Variants in ATE1 observed in about 807,000 individuals in gnomAD.
ATE1 encodes arginyltransferase 1.
ATE1 carries 36 observed loss-of-function variants against 70.5 expected under a neutral mutation model. That is an observed-to-expected ratio of 0.51 (90% CI 0.39 to 0.67). The LOEUF (loss-of-function observed/expected upper bound fraction) is 0.67. Ranked by LOEUF, ATE1 falls within the 30% of genes least tolerant of loss-of-function variation. The probability of loss-of-function intolerance (pLI) is 0.00; values close to 1 mark genes in which losing one functional copy is unlikely to be tolerated. For synonymous variants in ATE1, 232 were observed against 219.3 expected (o/e 1.06, Z -0.51); for missense variants, 593 against 629.5 (o/e 0.94, Z 0.62).
At chr10:121,865,473 A>G (rs533762794) in intron 8 of ATE1, among the ~76,000 whole-genome samples, 1 of 152,332 alleles carries the variant, frequency 6.6e-6, no homozygotes, top group African/African-American at 2.4e-5. Context: ...AAATTCAAGA[A>G]TCTTTCGGGC....
intron 1 of ATE1, 91 bp downstream of exon 1, chr10:121,927,753 G>A: frequency 7.0e-7 from 1 of 1,427,592 alleles, no homozygotes; most frequent in Non-Finnish European, 9.2e-7. Flanking sequence ...GGGGCCAGGG[G>A]CTCCGGCCCC....
intron 10 of ATE1, among the ~76,000 whole-genome samples, chr10:121,810,858 A>C (rs1947292229): frequency 6.6e-6 from 1 of 151,618 alleles, no homozygotes; most frequent in Non-Finnish European, 1.5e-5. Context: ...GCATGCCAAC[A>C]TGCCCAGCTA....
chr10:121,886,054 G>A (rs1294111559), intron 7 of ATE1, among the ~76,000 whole-genome samples: 1 of 152,018 alleles, frequency 6.6e-6, no homozygotes, highest in African/African-American at 2.4e-5. Context: ...GCTCCAATGG[G>A]CATTTCCCTT....
chr10:121,820,498 T>C (rs1437200685), intron 10 of ATE1, among the ~76,000 whole-genome samples: 3 of 152,212 alleles, frequency 2.0e-5, no homozygotes, highest in Admixed American at 6.5e-5. Context: ...GTTTTAATCA[T>C]TCTCTTAACT....
At chr10:121,784,435 T>A (rs558377305) in intron 11 of ATE1, among the ~76,000 whole-genome samples, 1 of 152,372 alleles carries the variant, frequency 6.6e-6, no homozygotes, top group South Asian at 2.1e-4. Context: ...GTATTATTGT[T>A]TCTTAGTGTT....
At chr10:121,911,433 A>C (rs1422222165) in intron 4 of ATE1, among the ~76,000 whole-genome samples, 3 of 143,276 alleles carry the variant, frequency 2.1e-5, no homozygotes, top group African/African-American at 7.6e-5. Flanking sequence ...CACTATCTCT[A>C]CAGTAAATTA....
chr10:121,858,694 AT>A (rs201624969), intron 8 of ATE1, among the ~76,000 whole-genome samples: 12,345 of 74,628 alleles, frequency 0.17, 1,669 homozygotes, highest in African/African-American at 0.39. Context: ...TATATATTAT[AT>A]TTTTTTAATA....
intron 10 of ATE1, among the ~76,000 whole-genome samples, chr10:121,810,303 C>T (rs1392843130): frequency 6.6e-6 from 1 of 152,160 alleles, no homozygotes; most frequent in Non-Finnish European, 1.5e-5. Flanking sequence ...TGGAGTCTCA[C>T]TCTGTCACCC....
rs1325506738 is a variant in ATE1 at position 121,927,944 on chromosome 10, A to G, written c.6T>C (p.Ala2=). ...CGCTGGGCGAACCCCCCGCCCAGAA[A>G]GCCATGGCCTCGGCCCCGCGAACGC... The part of the protein sequence containing the change: M[A]FWAGGSPSVV... Residue 2 remains alanine, a synonymous_variant, in exon 1 of 12, where the codon GCT becomes GCC. Transcript: ENST00000224652. 1.2e-5 allele frequency: 19 copies of G among 1,559,464 alleles called. No homozygotes were observed. Among genetic ancestry groups the G allele is most frequent in the Non-Finnish European group, 1.6e-5 (19 of 1,155,650 alleles).
chr10:121,848,002 C>T (rs555093825), intron 8 of ATE1, among the ~76,000 whole-genome samples: 3 of 151,952 alleles, frequency 2.0e-5, no homozygotes, highest in African/African-American at 7.2e-5. Context: ...ACCTGGGAGG[C>T]GGAGGTTGCA....
At chr10:121,886,829 G>A (rs1476988458) in intron 7 of ATE1, among the ~76,000 whole-genome samples, 2 of 152,120 alleles carry the variant, frequency 1.3e-5, no homozygotes, top group Admixed American at 6.5e-5. Context: ...CATTAAGTGA[G>A]AACTTACTGT....
At chr10:121,893,172 G>A (rs1019008806) in intron 7 of ATE1, among the ~76,000 whole-genome samples, 3 of 151,688 alleles carry the variant, frequency 2.0e-5, no homozygotes, top group African/African-American at 2.4e-5. Flanking sequence ...AGCTACTCGG[G>A]AGGCTAAGGC....
In ATE1 at chr10:121,899,878, T is replaced by C. The variant is rs370475140; in HGVS notation, c.930A>G (p.Pro310=). ...MVIHKNPPDT[P]TESQFTRFLC... ...TTGGCCTGCTGACCTGGCTTTCGGT[T>C]GGCGTATCAGGTGGGTTCTTGTGAA... Residue 310 remains proline, a synonymous_variant, in exon 7 of 12, where the codon CCA becomes CCG. Coordinates refer to ENST00000224652, the MANE Select transcript of ATE1 (RefSeq NM_001001976.3). 3 of 1,612,250 alleles carry C rather than the reference T, an allele frequency of 1.9e-6. No homozygotes were observed. The African/African-American group carries it at 4.0e-5, about 22-fold the overall frequency.
At chr10:121,819,567 C>T (rs1947699371) in intron 10 of ATE1, among the ~76,000 whole-genome samples, 1 of 143,656 alleles carries the variant, frequency 7.0e-6, no homozygotes, top group Non-Finnish European at 1.5e-5. Context: ...ATTAGCCAGG[C>T]GTGGTGGCAG....
intron 7 of ATE1, among the ~76,000 whole-genome samples, chr10:121,878,697 TAAAA>T (rs942663729): frequency 6.6e-6 from 1 of 151,728 alleles, no homozygotes. Flanking sequence ...AAAAAGGAAA[TAAAA>T]AGAAGAAAAA....
chr10:121,857,620 A>T (rs188467664), intron 8 of ATE1, among the ~76,000 whole-genome samples: 25 of 152,332 alleles, frequency 1.6e-4, no homozygotes, highest in African/African-American at 6.0e-4. Context: ...AAGGAAAATA[A>T]ATCATTCTGT....
intron 7 of ATE1, among the ~76,000 whole-genome samples, chr10:121,875,693 C>G (rs1158935079): frequency 6.6e-6 from 1 of 152,144 alleles, no homozygotes; most frequent in Admixed American, 6.5e-5. Flanking sequence ...CTGAGACACT[C>G]TCTAAAAAAC....
intron 7 of ATE1, among the ~76,000 whole-genome samples, chr10:121,879,833 T>TC (rs1950174154): frequency 6.6e-6 from 1 of 152,196 alleles, no homozygotes; most frequent in South Asian, 2.1e-4. Context: ...ATCCATGTCC[T>TC]CCAAGCACTA....
chr10:121,859,675 C>T (rs1564903363), intron 8 of ATE1, among the ~76,000 whole-genome samples: 1 of 152,118 alleles, frequency 6.6e-6, no homozygotes, highest in Non-Finnish European at 1.5e-5. Context: ...GGCATGGTGA[C>T]TCATGCCTGT....
Sources: allele counts gnomAD v4.1 joint callset (sites outside exome capture counted in the v4.1 genomes callset), GRCh38; gene constraint gnomAD v4.1.1; transcripts MANE v1.5; gene names NCBI Gene and HGNC (gene_info 2026-07-23, HGNC 2026-07-21).